The following ANKHD1 variants were observed in gnomAD, a reference collection of about 807,000 sequenced individuals.
The protein encoded by ANKHD1 is ankyrin repeat and KH domain containing 1.
ANKHD1 carries 31 observed loss-of-function variants against 230.5 expected under a neutral mutation model. The ratio of observed to expected loss-of-function variants is 0.13; its 90% CI spans 0.10 to 0.18. The LOEUF (loss-of-function observed/expected upper bound fraction) is 0.18. Ranked by LOEUF, ANKHD1 falls within the 10% of genes least tolerant of loss-of-function variation. The pLI, the probability that ANKHD1 is intolerant of heterozygous loss-of-function variation, is 1.00. For missense variants in ANKHD1, 2,256 were observed against 3,071.3 expected (o/e 0.73, Z 6.27); for synonymous variants, 1,074 against 1,117.6 (o/e 0.96, Z 0.78).
At position 140,538,278 on chromosome 5, in the gene ANKHD1, C is replaced by T; in HGVS notation, c.7404+17C>T. Reference sequence around the variant, plus strand: ...TTTTCTAAAGTGAGTTGACAAACATCACTGTAACTTGATTGACACTTTGTC... The same window carrying T: ...TTTTCTAAAGTGAGTTGACAAACATTACTGTAACTTGATTGACACTTTGTC... On this transcript the variant is annotated intron_variant, in intron 32 of 33. Coordinates refer to ENST00000360839, the MANE Select transcript of ANKHD1 (RefSeq NM_017747.3). 6.2e-7 allele frequency: 1 copy of T among 1,611,356 alleles called. No individual in the cohort carries two copies. Among genetic ancestry groups the T allele is most frequent in the Non-Finnish European group, 8.5e-7 (1 of 1,178,354 alleles).
intron 25 of ANKHD1, chr5:140,525,078 T>C: frequency 6.2e-6 from 1 of 160,210 alleles, no homozygotes; most frequent in Non-Finnish European, 1.4e-5. Flanking sequence ...TTCACGCCAT[T>C]GCACTCCAGC....
At position 140,486,997 on chromosome 5, in the gene ANKHD1, C is replaced by T. The variant is rs1751533479; in HGVS notation, c.2182C>T (p.Pro728Ser). 6.2e-7 allele frequency: 1 copy of T among 1,613,458 alleles called. No individual in the cohort carries two copies. Among genetic ancestry groups the T allele is most frequent in the African/African-American group, 1.3e-5 (1 of 74,998 alleles). ...VPTHTLAMVVPPQEPDRTSQE... is the reference protein window; with the variant it reads ...VPTHTLAMVVSPQEPDRTSQE... ...AACGCATACACTTGCCATGGTTGTA[C>T]CTCCCCAGGAACCTGACAGAACTTC... is the stretch of plus-strand genomic sequence containing the variant. Residue 728 changes from proline to serine, a missense_variant, in exon 14 of 34, where the codon CCT becomes TCT. This residue lies in a region of ANKHD1 where 358 missense variants were observed against 397.7 expected (regional missense o/e 0.90). Coordinates refer to ENST00000360839, the MANE Select transcript of ANKHD1 (RefSeq NM_017747.3).
At chr5:140,520,447 A>G (rs1753276659) in intron 24 of ANKHD1, among the ~76,000 whole-genome samples, 1 of 152,168 alleles carries the variant, frequency 6.6e-6, no homozygotes, top group African/African-American at 2.4e-5. Flanking sequence ...CCAAAGGACT[A>G]TAAATCATGC....
chr5:140,528,156 C>G, intron 28 of ANKHD1, 28 bp from the exon 29 acceptor site: 2 of 1,424,576 alleles, frequency 1.4e-6, no homozygotes, highest in Non-Finnish European at 1.8e-6. Flanking sequence ...TGTTTTTGGT[C>G]TTGTTTCTGT....
At chr5:140,451,931 C>T (rs1249702383) in intron 7 of ANKHD1, among the ~76,000 whole-genome samples, 2 of 152,146 alleles carry the variant, frequency 1.3e-5, no homozygotes, top group Non-Finnish European at 2.9e-5. Flanking sequence ...TGTGTCACAA[C>T]AAGCATTAAG....
intron 6 of ANKHD1, among the ~76,000 whole-genome samples, chr5:140,448,689 TATC>T (rs1325715220): frequency 1.3e-5 from 2 of 152,250 alleles, no homozygotes; most frequent in Non-Finnish European, 2.9e-5. Context: ...TTTGTTGAAT[TATC>T]ATTTCATATC....
intron 1 of ANKHD1, among the ~76,000 whole-genome samples, chr5:140,419,969 CCCTCCCCTCT>C (rs1771832904): frequency 1.4e-4 from 2 of 13,808 alleles, no homozygotes; most frequent in Admixed American, 7.5e-4. Context: ...CCCTCCCCTC[CCCTCCCCTCT>C]CCTCCCCTCC....
At position 140,402,215 on chromosome 5, in the gene ANKHD1, T is replaced by C; in HGVS notation, c.248T>C (p.Val83Ala). 1 of 1,523,878 alleles carries C rather than the reference T, an allele frequency of 6.6e-7. No homozygotes were observed. Among genetic ancestry groups the C allele is most frequent in the Non-Finnish European group, 8.8e-7 (1 of 1,140,164 alleles). The allele number at this position is 1,523,878 out of a possible 1,614,324, so 94.4% of individuals were successfully genotyped here. A position where few individuals can be genotyped will look rare whatever the true frequency, so the allele number is the denominator to read the frequency against. Residue 83 changes from valine (V) to alanine (A), a missense_variant, in exon 1 of 34, where the codon GTG becomes GCG. Physicochemically the swap from Val to Ala is moderately conservative, Grantham distance 64 (BLOSUM62 0). Transcript: ENST00000360839. ...AALDFKLAAA[V>A]LRTGGGGGAS... ...CTGGATTTCAAGTTGGCGGCTGCCG[T>C]GCTGAGGACCGGGGGTGGAGGTGGT... is the stretch of plus-strand genomic sequence containing the variant.
intron 24 of ANKHD1, among the ~76,000 whole-genome samples, chr5:140,518,433 T>G (rs1753152062): frequency 6.6e-6 from 1 of 151,760 alleles, no homozygotes; most frequent in African/African-American, 2.4e-5. Flanking sequence ...CCCTAACTCA[T>G]TTTATGAGGC....
intron 11 of ANKHD1, among the ~76,000 whole-genome samples, chr5:140,483,989 A>T (rs965877602): frequency 5.3e-5 from 8 of 152,242 alleles, no homozygotes; most frequent in African/African-American, 1.7e-4. Flanking sequence ...CCTGCTAAGA[A>T]TATAATCAGG....
Position 140,427,087 on chromosome 5 carries a change from G to A in ANKHD1, c.307-9017G>A, listed in dbSNP as rs562553963. ...GGAGGGGCTCCTCACTTCCCAGTAG[G>A]GGCAGCCGGGCAGAGGCGCCCCTCA... On this transcript the variant is annotated intron_variant, in intron 1 of 33. Transcript: ENST00000360839. Among the ~76,000 whole-genome samples, 667 of 151,822 alleles carry A rather than the reference G, an allele frequency of 4.4e-3. 6 individuals carry two copies. Among genetic ancestry groups the A allele is most frequent in the African/African-American group, 0.015 (627 of 41,446 alleles).
chr5:140,447,362 C>G lies in ANKHD1; in HGVS notation c.1147+1387C>G, dbSNP rs1774369382. 5.3e-5 allele frequency among the ~76,000 whole-genome samples: 8 copies of G among 151,956 alleles called. No homozygotes were observed. The South Asian group carries it at 1.7e-3, about 32-fold the overall frequency. On this transcript the variant is annotated intron_variant, in intron 6 of 33. Transcript: ENST00000360839. ...GGATTACAGACTCACACCACCATAC[C>G]CAGCTAATTTTATTTTTATTTTTTT...
chr5:140,505,670 T>G, intron 17 of ANKHD1, 54 bp from the exon 18 acceptor site: 1 of 1,546,200 alleles, frequency 6.5e-7, no homozygotes, highest in Non-Finnish European at 8.7e-7. Flanking sequence ...AACAGTGGCT[T>G]TAAAATAAAA....
At chr5:140,538,395 G>A in intron 32 of ANKHD1, 134 bp downstream of exon 32, 1 of 1,403,064 alleles carries the variant, frequency 7.1e-7, no homozygotes, top group Non-Finnish European at 9.6e-7. Context: ...TTAATTTCAG[G>A]AGTGCACAGA....
chr5:140,529,035 A>G lies in ANKHD1; in HGVS notation c.6089A>G (p.Lys2030Arg). 6 of 1,614,142 alleles carry G rather than the reference A, an allele frequency of 3.7e-6. No individual in the cohort carries two copies. The highest frequency in any genetic ancestry group is 4.2e-6 in the Non-Finnish European group (5 of 1,180,042). ...SFSAVPPTKEKVSTQDQPMAN... is the reference protein window; with the variant it reads ...SFSAVPPTKERVSTQDQPMAN... ...TCTGCTGTGCCACCCACCAAAGAGA[A>G]AGTGTCCACACAGGACCAGCCCATG... The change falls in exon 29 of 34, where the codon AAA (lysine) becomes AGA (arginine). Residue 2030 changes from lysine (K) to arginine (R), a missense_variant. Transcript: ENST00000360839.
chr5:140,471,353 A>G lies in ANKHD1; in HGVS notation c.1782+6577A>G, dbSNP rs186232845. ...GTTTGTTTTGTAGGAACTTCTTGAT[A>G]GGTTCCATGTTGGATACTTTGTGCT... On this transcript the variant is annotated intron_variant, in intron 10 of 33. Transcript: ENST00000360839. Among the ~76,000 whole-genome samples, 527 of 152,316 alleles carry G rather than the reference A, an allele frequency of 3.5e-3. 4 individuals are homozygous for G. Among genetic ancestry groups the G allele is most frequent in the African/African-American group, 0.012 (499 of 41,576 alleles).
rs758926548 is a variant in ANKHD1, at chr5:140,464,785, T to C, written c.1782+9T>C. On this transcript the variant is annotated intron_variant, in intron 10 of 33. Transcript: ENST00000360839. ...AAGCAGGGGCTGATTTAGTAAGATA[T>C]TTTTAATTTCAAATATTTTTGCGTT... 1.3e-6 allele frequency: 2 copies of C among 1,584,880 alleles called. No homozygotes were observed. The highest frequency in any genetic ancestry group is 1.8e-5 in the Admixed American group (1 of 56,168).
chr5:140,417,833 CTTTTT>C (rs35322010), intron 1 of ANKHD1, among the ~76,000 whole-genome samples: 1 of 106,774 alleles, frequency 9.4e-6, no homozygotes, highest in Non-Finnish European at 1.8e-5. Flanking sequence ...CCCATATAGT[CTTTTT>C]TTTTTTTTTT....
chr5:140,528,778 T>G lies in ANKHD1; in HGVS notation c.5832T>G (p.Ser1944Arg). 1 of 1,614,176 alleles carries G rather than the reference T, an allele frequency of 6.2e-7. No individual in the cohort carries two copies. Among genetic ancestry groups the G allele is most frequent in the South Asian group, 1.1e-5 (1 of 91,086 alleles). The change falls in exon 29 of 34, where the codon AGT (serine) becomes AGG (arginine). Residue 1944 changes from serine to arginine, a missense_variant. Around this residue, in one of 13 missense-constraint regions of ANKHD1, gnomAD observed 778 missense variants for 966.5 expected, o/e 0.80. Transcript: ENST00000360839. ...CTGTCTCTTCTGTAGTTGCTGCCAG[T>G]CAGCAACTGTGTGTCACTAATACCC... is the stretch of plus-strand genomic sequence containing the variant. ...PITVSSVVAA[S>R]QQLCVTNTRT...
Sources: gnomAD v4.1 joint callset for allele counts (sites outside exome capture counted in the v4.1 genomes callset) on GRCh38, gnomAD v4.1.1 for gene constraint, gnomAD v4.1.1 regional missense constraint, MANE v1.5 for transcripts, NCBI Gene and HGNC (gene_info 2026-07-23, HGNC 2026-07-21) for gene names.